The following ABCA6 variants were observed in gnomAD, a reference collection of about 807,000 sequenced individuals.
ABCA6 encodes the protein ATP binding cassette subfamily A member 6.
ABCA6 carries 164 observed loss-of-function variants against 191.2 expected under a neutral mutation model. The observed-to-expected ratio is 0.86, with a 90% CI of 0.76 to 0.98. The LOEUF is 0.98. ABCA6 is among the 50% of genes least tolerant of loss of function. The pLI, the probability that ABCA6 is intolerant of heterozygous loss-of-function variation, is 0.00. For missense variants in ABCA6, 1,958 were observed against 1,894.1 expected (o/e 1.03, Z -0.63); for synonymous variants, 636 against 647.7 (o/e 0.98, Z 0.27).
rs1381115934 is a variant in ABCA6 at position 69,082,780 on chromosome 17, A to C, written c.4616+93T>G. 4.5e-6 allele frequency: 7 copies of C among 1,539,168 alleles called. No individual in the cohort carries two copies. In the Admixed American group the frequency reaches 1.4e-4, roughly 31 times the overall value. On this transcript the variant is annotated intron_variant, in intron 36 of 38. Transcript: ENST00000284425. ...CTGAGGTCCCTAACTTTTATTATGA[A>C]GCCAAATCACTATGAAGTTCTCACA...
intron 8 of ABCA6, among the ~76,000 whole-genome samples, chr17:69,125,875 T>C (rs1197090269): frequency 6.6e-6 from 1 of 152,130 alleles, no homozygotes; most frequent in African/African-American, 2.4e-5. Context: ...TTTGGTAAAA[T>C]GTAATATCTA....
In ABCA6 at chr17:69,078,726, C is replaced by T. The variant is rs1215313710; in HGVS notation, c.*247G>A. 2 of 313,340 alleles carry T rather than the reference C, an allele frequency of 6.4e-6. No homozygotes were observed. The allele number at this position is 313,340 out of a possible 1,614,324, so 19.4% of individuals were successfully genotyped here. On this transcript the variant is annotated 3_prime_UTR_variant, in exon 39 of 39. Transcript: ENST00000284425. ...ATTCTAAGTTTATATAGTTTTATTT[C>T]CACAATACCCAGTGCCTGACTCTTT...
chr17:69,115,102 C>T (rs2073512244), intron 12 of ABCA6, among the ~76,000 whole-genome samples, 165 bp from the exon 13 acceptor site: 1 of 152,030 alleles, frequency 6.6e-6, no homozygotes, highest in Non-Finnish European at 1.5e-5. Context: ...TATATGTGAA[C>T]ACAATTTGTG....
In ABCA6 at chr17:69,085,643, T is replaced by TG; in HGVS notation, c.4010dup (p.Pro1339AlafsTer66). 6.2e-7 allele frequency: 1 copy of TG among 1,611,914 alleles called. No individual in the cohort carries two copies. Among genetic ancestry groups the TG allele is most frequent in the Non-Finnish European group, 8.5e-7 (1 of 1,178,982 alleles). The stretch of plus-strand genomic sequence containing the variant: ...TCACTACCTCTCCAGCAGTTGGCTT[T>TG]GTGATCCCAGATATCATTCTAATAG... On this transcript the variant is annotated frameshift_variant, in exon 31 of 39. Transcript: ENST00000284425. LOFTEE classifies it high-confidence loss of function.
chr17:69,098,711 C>T (rs557800797), intron 22 of ABCA6: 1 of 146,550 alleles, frequency 6.8e-6, no homozygotes, highest in East Asian at 2.0e-4. Flanking sequence ...GTGAAATAAA[C>T]CAGTTACAAA....
Position 69,123,458 on chromosome 17 carries a change from G to A in ABCA6, c.1268-51C>T, listed in dbSNP as rs779727364. The A allele has an allele frequency of 2.5e-5, 32 of 1,263,004 alleles. No individual in the cohort carries two copies. In the South Asian group the frequency reaches 2.9e-4, roughly 11 times the overall value. The allele number at this position is 1,263,004 out of a possible 1,614,324, so 78.2% of individuals were successfully genotyped here. A position where few individuals can be genotyped will look rare whatever the true frequency, so the allele number is the denominator to read the frequency against. On this transcript the variant is annotated intron_variant, in intron 9 of 38. Transcript: ENST00000284425. ...ATGATCAGTAATAGTAAAAGAATGC[G>A]CAAAGAAGCCTTGCTAACAACAATG... is the stretch of plus-strand genomic sequence containing the variant.
intron 10 of ABCA6, among the ~76,000 whole-genome samples, chr17:69,119,439 T>G (rs1157978888): frequency 1.3e-5 from 2 of 152,062 alleles, no homozygotes; most frequent in Non-Finnish European, 2.9e-5. Context: ...GTTCACTGCC[T>G]CTAGTTCCTT....
chr17:69,138,585 G>A (rs2073983606), intron 2 of ABCA6, among the ~76,000 whole-genome samples: 2 of 151,432 alleles, frequency 1.3e-5, no homozygotes. Context: ...CACAGAATTG[G>A]AAAAAACTAC....
At chr17:69,104,338 C>T (rs1395371691) in intron 20 of ABCA6, 1 of 152,114 alleles carries the variant, frequency 6.6e-6, no homozygotes. Flanking sequence ...CTTATGAGCT[C>T]ATAGGTAAAG....
intron 2 of ABCA6, among the ~76,000 whole-genome samples, chr17:69,140,184 C>G (rs117753190): frequency 0.02 from 3,001 of 152,170 alleles, 52 homozygotes; most frequent in Non-Finnish European, 0.032. Flanking sequence ...ATTAGCCCAC[C>G]TGCTTGATGC....
At chr17:69,123,145 C>T in intron 10 of ABCA6, 94 bp downstream of exon 10, 2 of 832,060 alleles carry the variant, frequency 2.4e-6, no homozygotes, top group Non-Finnish European at 3.1e-6. Context: ...CACATGTACC[C>T]TAAAACTTAA....
intron 10 of ABCA6, 166 bp from the exon 11 acceptor site, chr17:69,118,122 A>G (rs2073570671): frequency 4.4e-6 from 2 of 458,030 alleles, no homozygotes; most frequent in Non-Finnish European, 7.8e-6. Flanking sequence ...TTGATTACTT[A>G]TTTCCCCTGA....
Position 69,086,566 on chromosome 17 carries a change from C to CG in ABCA6, c.3937+51dup, listed in dbSNP as rs2072797965. 8 of 1,203,588 alleles carry CG rather than the reference C, an allele frequency of 6.6e-6. 1 individual carries two copies. In the Admixed American group the frequency reaches 1.5e-4, roughly 22 times the overall value. The allele number at this position is 1,203,588 out of a possible 1,614,324, so 74.6% of individuals were successfully genotyped here. On this transcript the variant is annotated intron_variant, in intron 30 of 38. Transcript: ENST00000284425. ...AAACTGTGCCTATGACATAGATGTTCGGTAGGTAGTTCTAAAAGTAATGGT... is the reference window on the plus strand; with the variant it reads ...AAACTGTGCCTATGACATAGATGTTCGGGTAGGTAGTTCTAAAAGTAATGGT...
At chr17:69,107,967 GCTCTCCTT>G in intron 17 of ABCA6, 155 bp from the exon 18 acceptor site, 1 of 558,686 alleles carries the variant, frequency 1.8e-6, no homozygotes, top group Non-Finnish European at 3.1e-6. Flanking sequence ...TCATGAGAAT[GCTCTCCTT>G]CTCTGAAATG....
At chr17:69,139,551 G>A (rs984727554) in intron 2 of ABCA6, among the ~76,000 whole-genome samples, 9 of 152,072 alleles carry the variant, frequency 5.9e-5, no homozygotes, top group African/African-American at 1.4e-4. Flanking sequence ...ATTCCTCAGG[G>A]ATCTAGAACT....
At position 69,105,390 on chromosome 17, in the gene ABCA6, C is replaced by G. The variant is rs562981359; in HGVS notation, c.2740+72G>C. ...TTTCTTCTCTTATGATTCACTTCCC[C>G]CCCCCACCTCCTGTGCTATTCAACA... On this transcript the variant is annotated intron_variant, in intron 20 of 38. Coordinates refer to ENST00000284425, the MANE Select transcript of ABCA6 (RefSeq NM_080284.3). 4.3e-6 allele frequency: 6 copies of G among 1,393,656 alleles called. No individual in the cohort carries two copies. In the South Asian group the frequency reaches 6.7e-5, roughly 16 times the overall value. The allele number at this position is 1,393,656 out of a possible 1,614,324, so 86.3% of individuals were successfully genotyped here.
chr17:69,135,821 C>T, intron 4 of ABCA6: 1 of 449,944 alleles, frequency 2.2e-6, no homozygotes, highest in South Asian at 6.1e-5. Context: ...TGGAATCTCA[C>T]CTGAGGCTGG....
rs1216581665 is a variant in ABCA6 at position 69,085,721 on chromosome 17, A to C, written c.3938-5T>G. The C allele has an allele frequency of 3.9e-5, 61 of 1,576,594 alleles. No homozygotes were observed. Among genetic ancestry groups the C allele is most frequent in the Non-Finnish European group, 5.0e-5 (58 of 1,148,530 alleles). The stretch of plus-strand genomic sequence containing the variant: ...CTAGCAATCCCAAAATTTCACCTGA[A>C]AGAAAGAATCAGACTATCAATATTG... On this transcript the variant is annotated splice_polypyrimidine_tract_variant and splice_region_variant and intron_variant, in intron 30 of 38. Coordinates refer to ENST00000284425, the MANE Select transcript of ABCA6 (RefSeq NM_080284.3).
chr17:69,137,740 A>G (rs923628911), intron 2 of ABCA6, among the ~76,000 whole-genome samples: 1 of 152,174 alleles, frequency 6.6e-6, no homozygotes, highest in African/African-American at 2.4e-5. Flanking sequence ...CTCCTGCAGA[A>G]GCCGTCATAG....
Sources: allele counts gnomAD v4.1 joint callset (sites outside exome capture counted in the v4.1 genomes callset), GRCh38; gene constraint gnomAD v4.1.1; transcripts MANE v1.5; gene names NCBI Gene and HGNC (gene_info 2026-07-23, HGNC 2026-07-21).